ATG7: variants seen among roughly 807,000 people sequenced by gnomAD.
ATG7 encodes the protein autophagy related 7, also known as ubiquitin-like modifier-activating enzyme ATG7.
ATG7 carries 70 observed loss-of-function variants against 82.4 expected under a neutral mutation model. The observed-to-expected ratio is 0.85, with a 90% CI of 0.70 to 1.04. The LOEUF (loss-of-function observed/expected upper bound fraction) is 1.04, where lower values mean the gene tolerates loss of function less well. ATG7 is among the 50% of genes least tolerant of loss of function. The pLI is 0.00. For missense variants in ATG7, 792 were observed against 864.3 expected (o/e 0.92, Z 1.05); for synonymous variants, 287 against 313.0 (o/e 0.92, Z 0.88).
chr3:11,316,329 A>G (rs1949402607), intron 9 of ATG7, among the ~76,000 whole-genome samples: 1 of 152,198 alleles, frequency 6.6e-6, no homozygotes, highest in Non-Finnish European at 1.5e-5. Flanking sequence ...AGCTAATCTT[A>G]TCTATTTTTC....
chr3:11,440,576 G>A (rs1290951914), intron 20 of ATG7, among the ~76,000 whole-genome samples: 1 of 149,476 alleles, frequency 6.7e-6, no homozygotes, highest in African/African-American at 2.5e-5. Context: ...CGCCCGCCTC[G>A]GCCTCCCAAA....
At chr3:11,501,717 TCTCC>T (rs1214104251) in intron 20 of ATG7, among the ~76,000 whole-genome samples, 1 of 152,092 alleles carries the variant, frequency 6.6e-6, no homozygotes, top group Non-Finnish European at 1.5e-5. Flanking sequence ...TTAGACAGAG[TCTCC>T]CTCTGTTGCC....
intron 19 of ATG7, among the ~76,000 whole-genome samples, chr3:11,394,802 G>T (rs2079080282): frequency 6.6e-6 from 1 of 152,164 alleles, no homozygotes; most frequent in South Asian, 2.1e-4. Flanking sequence ...TAAAAGCAAT[G>T]AAATCTTAGA....
chr3:11,409,279 A>T (rs1297861468), intron 19 of ATG7, among the ~76,000 whole-genome samples: 1 of 152,196 alleles, frequency 6.6e-6, no homozygotes, highest in African/African-American at 2.4e-5. Flanking sequence ...GTGAATTTTG[A>T]TATTTTCCCA....
At chr3:11,288,414 A>G (rs903052271) in intron 3 of ATG7, among the ~76,000 whole-genome samples, 5 of 152,238 alleles carry the variant, frequency 3.3e-5, no homozygotes, top group Non-Finnish European at 5.9e-5. Context: ...GATGAGTAAG[A>G]CATGGTGCTT....
At chr3:11,514,818 T>G (rs1240426834) in intron 20 of ATG7, among the ~76,000 whole-genome samples, 1 of 151,744 alleles carries the variant, frequency 6.6e-6, no homozygotes, top group African/African-American at 2.4e-5. Context: ...AACTGCCAAG[T>G]TGCCAAGTGC....
chr3:11,390,190 A>C (rs773550741), intron 19 of ATG7, among the ~76,000 whole-genome samples: 1 of 152,214 alleles, frequency 6.6e-6, no homozygotes, highest in Admixed American at 6.5e-5. Flanking sequence ...AATTGCTAAT[A>C]GGCCTATGTA....
intron 20 of ATG7, among the ~76,000 whole-genome samples, chr3:11,544,275 C>G (rs1002403236): frequency 1.3e-5 from 2 of 152,234 alleles, no homozygotes; most frequent in Non-Finnish European, 2.9e-5. Context: ...CCCGGCAGCA[C>G]TTCCCTGTGG....
In ATG7 at chr3:11,338,906, A is replaced by G. The variant is rs79129919; in HGVS notation, c.890-1739A>G. ...CTAGGTCCCGTAATTATATTGGGCAATACTATTTTTTTAAATGTCAACAGC... is the reference window on the plus strand; with the variant it reads ...CTAGGTCCCGTAATTATATTGGGCAGTACTATTTTTTTAAATGTCAACAGC... On this transcript the variant is annotated intron_variant, in intron 11 of 20. Coordinates refer to ENST00000693202, the MANE Select transcript of ATG7 (RefSeq NM_001349232.2). 2.9e-3 allele frequency among the ~76,000 whole-genome samples: 443 copies of G among 152,320 alleles called. 4 individuals are homozygous for G. The highest frequency in any genetic ancestry group is 0.01 in the African/African-American group (425 of 41,562).
chr3:11,515,100 A>G (rs1174597524), intron 20 of ATG7, among the ~76,000 whole-genome samples: 2 of 152,044 alleles, frequency 1.3e-5, no homozygotes, highest in African/African-American at 4.8e-5. Flanking sequence ...CAGCCTACCA[A>G]AGTGCTGGGA....
chr3:11,342,068 T>C, intron 12 of ATG7, 67 bp from the exon 13 acceptor site: 1 of 1,477,140 alleles, frequency 6.8e-7, no homozygotes, highest in Non-Finnish European at 9.0e-7. Flanking sequence ...CATAGCCACT[T>C]GAAATCTTTC....
intron 20 of ATG7, among the ~76,000 whole-genome samples, chr3:11,471,828 C>T (rs993391086): frequency 6.8e-6 from 1 of 147,854 alleles, no homozygotes; most frequent in Non-Finnish European, 1.5e-5. Flanking sequence ...CAACCTCTGC[C>T]TCAGGTTCAA....
At chr3:11,436,015 G>A (rs991547184) in intron 20 of ATG7, among the ~76,000 whole-genome samples, 6 of 152,086 alleles carry the variant, frequency 3.9e-5, no homozygotes, top group African/African-American at 1.2e-4. Flanking sequence ...TGAGTGTATC[G>A]TTTGAGCCCA....
Position 11,469,448 on chromosome 3 carries a change from T to C in ATG7, c.2079+42522T>C, listed in dbSNP as rs576940170. Reference sequence around the variant, plus strand: ...TGGGCAACAAGAGCAAAACTCCACCTCAAAAAAAAAAAAGTAAAATAAAAT... The same window carrying C: ...TGGGCAACAAGAGCAAAACTCCACCCCAAAAAAAAAAAAGTAAAATAAAAT... On this transcript the variant is annotated intron_variant, in intron 20 of 20. Transcript: ENST00000693202. 2.1e-4 allele frequency among the ~76,000 whole-genome samples: 31 copies of C among 147,972 alleles called. 1 individual carries two copies. In the South Asian group the frequency reaches 6.6e-3, roughly 31 times the overall value.
At chr3:11,300,569 T>C (rs1345253627) in intron 5 of ATG7, among the ~76,000 whole-genome samples, 3 of 152,134 alleles carry the variant, frequency 2.0e-5, no homozygotes, top group Admixed American at 1.3e-4. Flanking sequence ...GCTAGAAATG[T>C]CCAGGAGGAA....
At chr3:11,465,496 A>G (rs1031604273) in intron 20 of ATG7, among the ~76,000 whole-genome samples, 7 of 151,224 alleles carry the variant, frequency 4.6e-5, no homozygotes, top group African/African-American at 1.5e-4. Flanking sequence ...TGTAATCTCA[A>G]CACTTTGGGA....
chr3:11,539,361 C>T (rs1336780116), intron 20 of ATG7, among the ~76,000 whole-genome samples: 4 of 152,244 alleles, frequency 2.6e-5, no homozygotes, highest in African/African-American at 9.6e-5. Context: ...GGAAGTCTGG[C>T]TTCAGAGACA....
intron 11 of ATG7, among the ~76,000 whole-genome samples, chr3:11,339,334 G>A (rs927683322): frequency 5.4e-5 from 8 of 148,484 alleles, no homozygotes; most frequent in Admixed American, 1.3e-4. Flanking sequence ...GAAAACCAGC[G>A]TATAATTAGA....
chr3:11,290,578 C>T, intron 3 of ATG7: 1 of 350,748 alleles, frequency 2.9e-6, no homozygotes, highest in South Asian at 2.0e-5. Context: ...TCCAGCCAAC[C>T]TCATGAACCA....
Sources: allele counts gnomAD v4.1 joint callset (sites outside exome capture counted in the v4.1 genomes callset), GRCh38; gene constraint gnomAD v4.1.1; transcripts MANE v1.5; gene names NCBI Gene and HGNC (gene_info 2026-07-23, HGNC 2026-07-21).